Variants in SEMA5A observed in about 807,000 individuals in gnomAD.
SEMA5A encodes the protein semaphorin 5A.
A neutral mutation model predicts 135.5 loss-of-function variants in SEMA5A; 55 were observed. That is an observed-to-expected ratio of 0.41 (90% CI 0.33 to 0.51). The LOEUF (loss-of-function observed/expected upper bound fraction) is 0.51, where lower values mean the gene tolerates loss of function less well. Among genes scored for constraint, SEMA5A ranks in the 20% least tolerant of loss-of-function variants. The pLI is 0.37. For missense variants in SEMA5A, 1,290 were observed against 1,419.9 expected, an observed-to-expected ratio of 0.91 and a Z score of 1.47; for synonymous variants, 580 against 546.5, an observed-to-expected ratio of 1.06 and a Z score of -0.85.
chr5:9,533,173 C>T (rs1296327433), intron 1 of SEMA5A, among the ~76,000 whole-genome samples: 1 of 152,208 alleles, frequency 6.6e-6, no homozygotes, highest in Non-Finnish European at 1.5e-5. Context: ...GATACCATCA[C>T]TAATTTTGGA....
chr5:9,356,373 C>T (rs769109304), intron 3 of SEMA5A, among the ~76,000 whole-genome samples: 1 of 152,058 alleles, frequency 6.6e-6, no homozygotes, highest in Non-Finnish European at 1.5e-5. Context: ...GTCTGTGCCT[C>T]AGGGAATGGA....
chr5:9,457,000 T>C (rs936729292), intron 1 of SEMA5A, among the ~76,000 whole-genome samples: 5 of 152,130 alleles, frequency 3.3e-5, no homozygotes, highest in African/African-American at 1.2e-4. Context: ...CTCTAAGACA[T>C]TGAAAGATCT....
chr5:9,449,170 A>G (rs944631762), intron 1 of SEMA5A, among the ~76,000 whole-genome samples: 3 of 152,188 alleles, frequency 2.0e-5, no homozygotes, highest in African/African-American at 7.2e-5. Flanking sequence ...ATAAACATAA[A>G]TGCCCATCAG....
At chr5:9,325,258 A>G (rs527306426) in intron 4 of SEMA5A, among the ~76,000 whole-genome samples, 1 of 151,048 alleles carries the variant, frequency 6.6e-6, no homozygotes, top group East Asian at 1.9e-4. Context: ...TTTTTCTCAA[A>G]TGCCATGGAA....
intron 4 of SEMA5A, among the ~76,000 whole-genome samples, chr5:9,327,894 A>G (rs1752949203): frequency 6.6e-6 from 1 of 152,104 alleles, no homozygotes; most frequent in Admixed American, 6.5e-5. Context: ...TTCAGTTAAC[A>G]GAGATAATTT....
At chr5:9,138,003 T>G (rs557625397) in intron 12 of SEMA5A, among the ~76,000 whole-genome samples, 1 of 152,236 alleles carries the variant, frequency 6.6e-6, no homozygotes, top group South Asian at 2.1e-4. Context: ...AGGGAAGATA[T>G]GTTTACAGTT....
At chr5:9,309,992 T>A (rs913176312) in intron 5 of SEMA5A, among the ~76,000 whole-genome samples, 1 of 152,050 alleles carries the variant, frequency 6.6e-6, no homozygotes, top group Non-Finnish European at 1.5e-5. Flanking sequence ...CATGTAATTA[T>A]TACACAGCGA....
intron 2 of SEMA5A, among the ~76,000 whole-genome samples, chr5:9,419,149 G>C: frequency 6.6e-6 from 1 of 152,046 alleles, no homozygotes; most frequent in Admixed American, 6.5e-5. Context: ...TCAGGAGTAA[G>C]TTGTTCAATT....
intron 18 of SEMA5A, among the ~76,000 whole-genome samples, chr5:9,054,969 G>T (rs544766186): frequency 7.8e-4 from 118 of 152,254 alleles, no homozygotes; most frequent in Middle Eastern, 3.4e-3. Flanking sequence ...GGCCGAACTG[G>T]TTCCTTGACT....
chr5:9,462,714 C>G (rs899058425), intron 1 of SEMA5A, among the ~76,000 whole-genome samples: 1 of 151,954 alleles, frequency 6.6e-6, no homozygotes, highest in Non-Finnish European at 1.5e-5. Flanking sequence ...CCTTAGCAAA[C>G]CAACACAGGA....
At chr5:9,243,060 G>A (rs182710390) in intron 5 of SEMA5A, among the ~76,000 whole-genome samples, 23 of 152,336 alleles carry the variant, frequency 1.5e-4, no homozygotes, top group East Asian at 5.8e-4. Context: ...CTCACTGGGC[G>A]TTCTGTTCTC....
chr5:9,311,037 T>A (rs1752104612), intron 5 of SEMA5A, among the ~76,000 whole-genome samples: 1 of 152,006 alleles, frequency 6.6e-6, no homozygotes, highest in Non-Finnish European at 1.5e-5. Flanking sequence ...TATCACAGAT[T>A]AGAAAATGGC....
intron 1 of SEMA5A, among the ~76,000 whole-genome samples, chr5:9,438,849 C>T (rs911215292): frequency 6.6e-6 from 1 of 152,210 alleles, no homozygotes; most frequent in Non-Finnish European, 1.5e-5. Flanking sequence ...TGATCCGAGG[C>T]CATCTGCCTG....
chr5:9,052,443 C>T (rs1290725951), intron 19 of SEMA5A, among the ~76,000 whole-genome samples: 1 of 152,146 alleles, frequency 6.6e-6, no homozygotes, highest in African/African-American at 2.4e-5. Flanking sequence ...TTTCCTGAAA[C>T]ATTCCTGAAA....
intron 1 of SEMA5A, among the ~76,000 whole-genome samples, chr5:9,541,746 T>G (rs1738106550): frequency 6.6e-6 from 1 of 152,224 alleles, no homozygotes; most frequent in African/African-American, 2.4e-5. Flanking sequence ...ATTTTTCTGT[T>G]TTCTTGATCC....
intron 13 of SEMA5A, among the ~76,000 whole-genome samples, chr5:9,133,786 T>TTC (rs1464157046): frequency 2.2e-4 from 29 of 132,572 alleles, no homozygotes; most frequent in Non-Finnish European, 4.2e-4. Flanking sequence ...CTTTCTTTCT[T>TTC]TTTTTTTTTT....
At chr5:9,501,407 G>C (rs1735592874) in intron 1 of SEMA5A, among the ~76,000 whole-genome samples, 1 of 152,172 alleles carries the variant, frequency 6.6e-6, no homozygotes. Context: ...TTGTGTGTGT[G>C]CATGAAATAC....
intron 21 of SEMA5A, among the ~76,000 whole-genome samples, chr5:9,045,448 G>T (rs1736198276): frequency 6.6e-6 from 1 of 152,064 alleles, no homozygotes; most frequent in South Asian, 2.1e-4. Flanking sequence ...TATATTTTTT[G>T]AGTATGAATA....
At chr5:9,094,872 T>C (rs965921799) in intron 16 of SEMA5A, among the ~76,000 whole-genome samples, 9 of 152,174 alleles carry the variant, frequency 5.9e-5, no homozygotes. Flanking sequence ...TATAAAATAC[T>C]GTAGGAATGT....
Sources: allele counts gnomAD v4.1 joint callset (sites outside exome capture counted in the v4.1 genomes callset), GRCh38; gene constraint gnomAD v4.1.1; transcripts MANE v1.5; gene names NCBI Gene and HGNC (gene_info 2026-07-23, HGNC 2026-07-21).